Variants in CHRM2 observed in about 807,000 individuals in gnomAD.
CHRM2 encodes the protein cholinergic receptor muscarinic 2.
Under a neutral mutation model 25.0 loss-of-function variants are expected in CHRM2, and 8 were observed. That is an observed-to-expected ratio of 0.32 (90% CI 0.19 to 0.58). CHRM2 has a LOEUF of 0.58. Ranked by LOEUF, CHRM2 falls within the 20% of genes least tolerant of loss-of-function variation. The pLI, the probability that CHRM2 is intolerant of heterozygous loss-of-function variation, is 0.88. For synonymous variants in CHRM2, 202 were observed against 205.7 expected (o/e 0.98, Z 0.15); for missense variants, 440 against 567.1 (o/e 0.78, Z 2.28).
chr7:136,938,307 C>A, intron 2 of CHRM2: 1 of 1,268,734 alleles, frequency 7.9e-7, no homozygotes, highest in Non-Finnish European at 1.1e-6. Context: ...TGATGTAGCT[C>A]TCGAACATGT....
At chr7:136,939,446 G>C (rs1799633827) in intron 2 of CHRM2, among the ~76,000 whole-genome samples, 1 of 152,200 alleles carries the variant, frequency 6.6e-6, no homozygotes. Flanking sequence ...TTTCTGCAAA[G>C]TAAGGATAAT....
rs549856569 is a variant in CHRM2 at position 136,898,734 on chromosome 7, C to T, written c.-125+29316C>T. On this transcript the variant is annotated intron_variant, in intron 2 of 3. Transcript: ENST00000680005. ...AATGTACACTGAGTGAAGTTGATCACGAAAGTAAACAAATGATGCTATAAT... is the reference window on the plus strand; with the variant it reads ...AATGTACACTGAGTGAAGTTGATCATGAAAGTAAACAAATGATGCTATAAT... The T allele has an allele frequency of 1.2e-4, 18 of 151,768 alleles. 1 individual carries two copies. Among genetic ancestry groups the T allele is most frequent in the East Asian group, 3.9e-4 (2 of 5,140 alleles). 9.4% of individuals were successfully genotyped at this position (151,768 alleles called of 1,614,324 possible). A position where few individuals can be genotyped will look rare whatever the true frequency, so the allele number is the denominator to read the frequency against.
rs914513018 is a variant in CHRM2, at chr7:137,018,018, G to A, written c.*1752G>A. On this transcript the variant is annotated 3_prime_UTR_variant, in exon 4 of 4. Coordinates refer to ENST00000680005, the MANE Select transcript of CHRM2 (RefSeq NM_001006630.2). ...AATCAATGGAAATCAAATTATAAACGCATTTGCAAATTTCATATTTTGGAT... is the reference window on the plus strand; with the variant it reads ...AATCAATGGAAATCAAATTATAAACACATTTGCAAATTTCATATTTTGGAT... 7 of 151,614 alleles carry A rather than the reference G, an allele frequency of 4.6e-5. No individual in the cohort carries two copies. The highest frequency in any genetic ancestry group is 1.0e-4 in the Non-Finnish European group (7 of 67,862). The allele number at this position is 151,614 out of a possible 1,614,324, so 9.4% of individuals were successfully genotyped here. A position where few individuals can be genotyped will look rare whatever the true frequency, so the allele number is the denominator to read the frequency against.
chr7:136,889,911 G>C (rs1298713737), intron 2 of CHRM2, among the ~76,000 whole-genome samples: 1 of 152,134 alleles, frequency 6.6e-6, no homozygotes, highest in Non-Finnish European at 1.5e-5. Context: ...CAAATATAAA[G>C]CACAGACAGG....
chr7:136,943,595 C>T (rs1267775864), intron 2 of CHRM2, among the ~76,000 whole-genome samples: 1 of 152,076 alleles, frequency 6.6e-6, no homozygotes, highest in Non-Finnish European at 1.5e-5. Context: ...GATCAAAAGT[C>T]TGTTTCAGAA....
chr7:136,888,931 C>T (rs900141241), intron 2 of CHRM2, among the ~76,000 whole-genome samples: 38 of 151,462 alleles, frequency 2.5e-4, no homozygotes, highest in African/African-American at 9.2e-4. Flanking sequence ...ACCTGTAGTC[C>T]CAGCTTCTTG....
chr7:136,923,480 A>G (rs62485235), intron 2 of CHRM2, among the ~76,000 whole-genome samples: 1 of 151,948 alleles, frequency 6.6e-6, no homozygotes, highest in Non-Finnish European at 1.5e-5. Flanking sequence ...CAATCCAATC[A>G]ATTTTTTTTT....
At chr7:136,921,752 T>C (rs1487261960) in intron 2 of CHRM2, among the ~76,000 whole-genome samples, 1 of 151,622 alleles carries the variant, frequency 6.6e-6, no homozygotes, top group Non-Finnish European at 1.5e-5. Flanking sequence ...TGTAGAAATA[T>C]ACCATTCATG....
At chr7:137,007,484 CA>C (rs1328916399) in intron 3 of CHRM2, among the ~76,000 whole-genome samples, 9 of 152,102 alleles carry the variant, frequency 5.9e-5, no homozygotes, top group Admixed American at 5.9e-4. Context: ...ACCCCCACCA[CA>C]ACTGCTGTTG....
intron 2 of CHRM2, among the ~76,000 whole-genome samples, chr7:136,903,896 G>C (rs1217779377): frequency 6.6e-6 from 1 of 151,604 alleles, no homozygotes; most frequent in Non-Finnish European, 1.5e-5. Flanking sequence ...TATTTTTCTT[G>C]TATTGGAATT....
chr7:136,929,591 C>T (rs1798943676), intron 2 of CHRM2, among the ~76,000 whole-genome samples: 1 of 152,010 alleles, frequency 6.6e-6, no homozygotes, highest in South Asian at 2.1e-4. Context: ...ATCTTTCCCA[C>T]ATAAGAGCTG....
chr7:136,894,470 C>T lies in CHRM2; in HGVS notation c.-125+25052C>T, dbSNP rs574124487. On this transcript the variant is annotated intron_variant, in intron 2 of 3. Transcript: ENST00000680005. ...CACTGCAACTTCTGCCTCCCAGGTT[C>T]AAGCAATTCTCCTGCCTCAGCCTCC... Among the ~76,000 whole-genome samples, 82 of 152,204 alleles carry T rather than the reference C, an allele frequency of 5.4e-4. No homozygotes were observed. In the South Asian group the frequency reaches 0.015, roughly 28 times the overall value.
In CHRM2 at chr7:136,907,850, C is replaced by T. The variant is rs148689977; in HGVS notation, c.-125+38432C>T. On this transcript the variant is annotated intron_variant, in intron 2 of 3. Coordinates refer to ENST00000680005, the MANE Select transcript of CHRM2 (RefSeq NM_001006630.2). ...AAGAAAGGGAGAGTAGAACTCACCA[C>T]GCTCTCTGATCCAGAGCAGGGGATA... The T allele has an allele frequency of 1.8e-4, 27 of 152,080 alleles. No homozygotes were observed. In the East Asian group the frequency reaches 3.1e-3, roughly 18 times the overall value. 9.4% of individuals were successfully genotyped at this position (152,080 alleles called of 1,614,324 possible). A position where few individuals can be genotyped will look rare whatever the true frequency, so the allele number is the denominator to read the frequency against.
chr7:137,000,598 A>AGAAGG (rs1554434130), intron 3 of CHRM2, among the ~76,000 whole-genome samples: 2 of 151,164 alleles, frequency 1.3e-5, no homozygotes, highest in Non-Finnish European at 3.0e-5. Context: ...GAAGGGAAAA[A>AGAAGG]AAGCAAGTAA....
chr7:136,984,653 C>A (rs887060648), intron 2 of CHRM2, among the ~76,000 whole-genome samples: 1 of 152,096 alleles, frequency 6.6e-6, no homozygotes, highest in African/African-American at 2.4e-5. Context: ...TAGAGAGCAC[C>A]ATTCCTCACG....
chr7:136,978,811 T>C (rs1054526024), intron 2 of CHRM2, among the ~76,000 whole-genome samples: 2 of 152,212 alleles, frequency 1.3e-5, no homozygotes, highest in East Asian at 3.9e-4. Flanking sequence ...TAGTATTCCG[T>C]GGTGTATATG....
intron 2 of CHRM2, among the ~76,000 whole-genome samples, chr7:136,872,493 C>T (rs1474210849): frequency 1.3e-5 from 2 of 152,162 alleles, no homozygotes; most frequent in Non-Finnish European, 2.9e-5. Flanking sequence ...CTTCATTGCC[C>T]AGAAAGTCCA....
Position 136,989,144 on chromosome 7 carries a change from T to C in CHRM2, c.-124-3043T>C, listed in dbSNP as rs1433409611. 5.9e-5 allele frequency among the ~76,000 whole-genome samples: 9 copies of C among 152,236 alleles called. 1 individual carries two copies. The highest frequency in any genetic ancestry group is 3.3e-4 in the Admixed American group (5 of 15,270). On this transcript the variant is annotated intron_variant, in intron 2 of 3. Transcript: ENST00000680005. ...AGTCTGATTTTAGTACTAATTCTCT[T>C]GACCACAATGATATATTGATCCATA...
chr7:136,902,866 A>G (rs931226961), intron 2 of CHRM2: 1 of 310,112 alleles, frequency 3.2e-6, no homozygotes, highest in African/African-American at 2.2e-5. Flanking sequence ...GCAACTGCAG[A>G]GCACAGAATT....
Sources: allele counts gnomAD v4.1 joint callset (sites outside exome capture counted in the v4.1 genomes callset), GRCh38; gene constraint gnomAD v4.1.1; transcripts MANE v1.5; gene names NCBI Gene and HGNC (gene_info 2026-07-23, HGNC 2026-07-21).